The following RANBP2 variants were observed in gnomAD, a reference collection of about 807,000 sequenced individuals.
The protein encoded by RANBP2 is RAN binding protein 2.
In RANBP2, 57 loss-of-function variants were observed where a neutral mutation model predicts 303.6. That is an observed-to-expected ratio of 0.19 (90% CI 0.15 to 0.23). The LOEUF (loss-of-function observed/expected upper bound fraction) is 0.23. Ranked by LOEUF, RANBP2 falls within the 10% of genes least tolerant of loss-of-function variation. The pLI is 1.00. For synonymous variants in RANBP2, 1,167 were observed against 1,301.5 expected, an observed-to-expected ratio of 0.90 and a Z score of 2.23; for missense variants, 3,138 against 3,780.8, an observed-to-expected ratio of 0.83 and a Z score of 4.46.
At chr2:108,833,751 G>A in the RANBP2 span, among the ~76,000 whole-genome samples, 3 of 148,034 alleles carry the variant, frequency 2.0e-5, no homozygotes, top group African/African-American at 2.5e-5. Context: ...TTTTTGAGAC[G>A]GAGTCTTGCT....
At chr2:109,597,722 T>C in the RANBP2 span, among the ~76,000 whole-genome samples, 45 of 152,236 alleles carry the variant, frequency 3.0e-4, no homozygotes, top group African/African-American at 9.4e-4. Flanking sequence ...GTCTACCATA[T>C]ACTTTTTAAA....
the RANBP2 span, among the ~76,000 whole-genome samples, chr2:109,400,531 AT>A: frequency 6.6e-6 from 1 of 152,014 alleles, no homozygotes; most frequent in South Asian, 2.1e-4. Flanking sequence ...ACACCTGCAG[AT>A]ACACATGCAC....
At chr2:109,595,129 C>T in the RANBP2 span, 4 of 152,228 alleles carry the variant, frequency 2.6e-5, no homozygotes, top group African/African-American at 9.7e-5. Flanking sequence ...TCAAGCGATC[C>T]TACCGCCTTG....
At chr2:109,452,343 T>G in the RANBP2 span, among the ~76,000 whole-genome samples, 2 of 152,296 alleles carry the variant, frequency 1.3e-5, no homozygotes, top group South Asian at 2.1e-4. Context: ...TGATCATAGA[T>G]GTACACATGT....
the RANBP2 span, among the ~76,000 whole-genome samples, chr2:109,078,234 ATATATATAGCGTG>A: frequency 4.1e-5 from 2 of 48,800 alleles, no homozygotes; most frequent in East Asian, 5.2e-4. Flanking sequence ...GCGTGTATAT[ATATATATAGCGTG>A]TATATATATA....
chr2:109,269,141 G>A, the RANBP2 span, among the ~76,000 whole-genome samples: 2 of 152,316 alleles, frequency 1.3e-5, no homozygotes, highest in African/African-American at 4.8e-5. Flanking sequence ...GGAAGCGTGG[G>A]CATCATAGGC....
At chr2:109,585,782 C>G in the RANBP2 span, 1 of 1,609,498 alleles carries the variant, frequency 6.2e-7, no homozygotes, top group Non-Finnish European at 8.5e-7. Flanking sequence ...GCTGATCAGG[C>G]AAACTCTCAA....
the RANBP2 span, among the ~76,000 whole-genome samples, chr2:109,061,504 G>A: frequency 6.6e-6 from 1 of 152,044 alleles, no homozygotes; most frequent in Non-Finnish European, 1.5e-5. Flanking sequence ...AGGGCCCCTG[G>A]ACTTGGAAGA....
At chr2:109,682,553 C>T in the RANBP2 span, among the ~76,000 whole-genome samples, 2 of 152,124 alleles carry the variant, frequency 1.3e-5, no homozygotes, top group Non-Finnish European at 2.9e-5. Flanking sequence ...TGGTAGAAGA[C>T]ACTTTTTCCC....
chr2:109,363,514 A>G, the RANBP2 span, among the ~76,000 whole-genome samples: 1 of 152,188 alleles, frequency 6.6e-6, no homozygotes. Flanking sequence ...TAAGAATAGC[A>G]AAAATAAAAG....
chr2:109,625,087 C>CAAAAAAA, the RANBP2 span, among the ~76,000 whole-genome samples: 63 of 59,930 alleles, frequency 1.1e-3, no homozygotes, highest in African/African-American at 2.6e-3. Flanking sequence ...ACAACAACAA[C>CAAAAAAA]AAAAAAAAAA....
chr2:108,989,041 A>T, the RANBP2 span: 1 of 152,584 alleles, frequency 6.6e-6, no homozygotes, highest in Non-Finnish European at 1.5e-5. Flanking sequence ...GTTCTGGGTG[A>T]CAGGCTTCAC....
chr2:109,613,380 C>T, the RANBP2 span: 2 of 326,732 alleles, frequency 6.1e-6, no homozygotes, highest in Non-Finnish European at 1.2e-5. Flanking sequence ...CCAGGGGAGC[C>T]GGGCTTTCTC....
rs1696549643 is a variant in RANBP2 at position 108,746,758 on chromosome 2, T to C, written c.1023T>C (p.Asn341=). The change falls in exon 8 of 29, where the codon AAT becomes AAC. Residue 341 remains asparagine (N), a synonymous_variant. Transcript: ENST00000283195. ...TAATAAAAGGTGAAGCTGGACAAAA[T>C]CTGCTGGAAATGATGGCCTGTGACC... is the stretch of plus-strand genomic sequence containing the variant. ...IKLIKGEAGQ[N]LLEMMACDRL... is the part of the protein sequence containing the mutation. The C allele has an allele frequency of 6.8e-7, 1 of 1,460,682 alleles. No homozygotes were observed. Among genetic ancestry groups the C allele is most frequent in the Non-Finnish European group, 9.2e-7 (1 of 1,088,340 alleles). 90.5% of individuals were successfully genotyped at this position (1,460,682 alleles called of 1,614,324 possible).
the RANBP2 span, among the ~76,000 whole-genome samples, chr2:109,067,872 A>C: frequency 2.2e-4 from 33 of 151,876 alleles, 1 homozygote; most frequent in South Asian, 3.1e-3. Flanking sequence ...CATCACGACC[A>C]CCCTGTTCTG....
the RANBP2 span, among the ~76,000 whole-genome samples, chr2:109,483,563 G>A: frequency 6.6e-6 from 1 of 152,204 alleles, no homozygotes; most frequent in Non-Finnish European, 1.5e-5. Flanking sequence ...AACTCATGTT[G>A]CTTCCTTTGA....
At chr2:108,910,645 A>G in the RANBP2 span, 2 of 1,405,474 alleles carry the variant, frequency 1.4e-6, no homozygotes, top group Non-Finnish European at 2.0e-6. Flanking sequence ...TCTGTGTGGC[A>G]CCACCCCACG....
chr2:109,099,383 T>C, the RANBP2 span, among the ~76,000 whole-genome samples: 1 of 152,104 alleles, frequency 6.6e-6, no homozygotes, highest in Non-Finnish European at 1.5e-5. Context: ...TTCGGGTCGG[T>C]GGTCTCTTAG....
At chr2:108,967,172 T>A in the RANBP2 span, among the ~76,000 whole-genome samples, 1 of 152,314 alleles carries the variant, frequency 6.6e-6, no homozygotes, top group Admixed American at 6.5e-5. Flanking sequence ...TGCCCTCAAC[T>A]GATCCACCTG....
Sources: gnomAD v4.1 joint callset for allele counts (sites outside exome capture counted in the v4.1 genomes callset) on GRCh38, gnomAD v4.1.1 for gene constraint, MANE v1.5 for transcripts, NCBI Gene and HGNC (gene_info 2026-07-23, HGNC 2026-07-21) for gene names.